Variants in LRRC7 observed in about 807,000 individuals in gnomAD.
LRRC7 encodes leucine rich repeat containing 7.
In LRRC7, 23 loss-of-function variants were observed where a neutral mutation model predicts 175.7. The observed-to-expected ratio is 0.13, with a 90% CI of 0.09 to 0.19. The LOEUF is 0.19. Ranked by LOEUF, LRRC7 falls within the 10% of genes least tolerant of loss-of-function variation. LRRC7 has a pLI of 1.00. For missense variants in LRRC7, 1,354 were observed against 1,904.7 expected (o/e 0.71, Z 5.38); for synonymous variants, 685 against 680.9 (o/e 1.01, Z -0.09).
intron 3 of LRRC7, among the ~76,000 whole-genome samples, chr1:69,781,316 G>T (rs1003067906): frequency 6.6e-6 from 1 of 151,980 alleles, no homozygotes; most frequent in Non-Finnish European, 1.5e-5. Flanking sequence ...GTGAGAGACT[G>T]TTGTCAGTTC....
At chr1:69,668,071 C>T (rs1054272936) in intron 1 of LRRC7, among the ~76,000 whole-genome samples, 2 of 152,092 alleles carry the variant, frequency 1.3e-5, no homozygotes, top group Admixed American at 6.5e-5. Flanking sequence ...TTTGCAAAAA[C>T]AAATGAGCAC....
At chr1:69,995,303 A>G (rs1466909326) in intron 11 of LRRC7, among the ~76,000 whole-genome samples, 1 of 152,312 alleles carries the variant, frequency 6.6e-6, no homozygotes, top group South Asian at 2.1e-4. Flanking sequence ...TAAAGTGAGA[A>G]ATCAGTAGAG....
At chr1:69,818,735 T>A (rs1678888728) in intron 4 of LRRC7, among the ~76,000 whole-genome samples, 1 of 152,164 alleles carries the variant, frequency 6.6e-6, no homozygotes, top group Admixed American at 6.6e-5. Context: ...GTACTGGGCT[T>A]TTCATTGTTG....
intron 25 of LRRC7, among the ~76,000 whole-genome samples, chr1:70,103,787 C>T (rs1283599127): frequency 6.6e-6 from 1 of 152,106 alleles, no homozygotes; most frequent in African/African-American, 2.4e-5. Flanking sequence ...GAGAATGCTT[C>T]ATGGTATGTA....
intron 7 of LRRC7, among the ~76,000 whole-genome samples, chr1:69,902,385 C>T (rs555298135): frequency 1.1e-3 from 172 of 152,180 alleles, no homozygotes; most frequent in Non-Finnish European, 9.1e-4. Flanking sequence ...GCCTGGGCAA[C>T]GTGGTAAAAC....
At chr1:69,675,129 G>A (rs888452983) in intron 1 of LRRC7, among the ~76,000 whole-genome samples, 1 of 152,108 alleles carries the variant, frequency 6.6e-6, no homozygotes, top group Non-Finnish European at 1.5e-5. Context: ...CAGAGCTGAG[G>A]AACATTACAT....
chr1:69,590,212 A>C (rs1271902747), intron 1 of LRRC7, among the ~76,000 whole-genome samples: 1 of 152,170 alleles, frequency 6.6e-6, no homozygotes, highest in East Asian at 1.9e-4. Context: ...ATAGGTAACA[A>C]ATTTCATTGT....
intron 7 of LRRC7, among the ~76,000 whole-genome samples, chr1:69,863,923 G>C (rs1032472151): frequency 2.6e-5 from 4 of 152,006 alleles, no homozygotes; most frequent in Non-Finnish European, 4.4e-5. Context: ...TTCATGACCT[G>C]CCTATCATCT....
chr1:69,760,982 C>CAT (rs397814451), intron 3 of LRRC7, among the ~76,000 whole-genome samples: 2 of 151,264 alleles, frequency 1.3e-5, no homozygotes, highest in South Asian at 4.2e-4. Flanking sequence ...CACACACACA[C>CAT]GTGCACACCT....
chr1:70,096,134 C>T (rs1314654910), intron 25 of LRRC7, among the ~76,000 whole-genome samples: 4 of 152,054 alleles, frequency 2.6e-5, no homozygotes, highest in East Asian at 1.9e-4. Flanking sequence ...CCCGCCACCA[C>T]GCCCAGCTAA....
chr1:70,061,749 A>T (rs950088554), intron 23 of LRRC7, among the ~76,000 whole-genome samples: 4 of 152,178 alleles, frequency 2.6e-5, no homozygotes, highest in Admixed American at 2.6e-4. Flanking sequence ...CTTCATCTCC[A>T]GTGAGACTTT....
chr1:69,784,987 T>A (rs563911314), intron 3 of LRRC7, among the ~76,000 whole-genome samples: 1 of 152,306 alleles, frequency 6.6e-6, no homozygotes, highest in African/African-American at 2.4e-5. Flanking sequence ...CATGATCAAC[T>A]GTAAATTTTT....
Position 70,107,829 on chromosome 1 carries a change from A to G in LRRC7, c.4620+3A>G, listed in dbSNP as rs1665248390. The G allele has an allele frequency of 6.2e-7, 1 of 1,609,350 alleles. No individual in the cohort carries two copies. Among genetic ancestry groups the G allele is most frequent in the Non-Finnish European group, 8.5e-7 (1 of 1,176,512 alleles). ...AGCCTGGTGATAAGATCCTTCAGGT[A>G]AGACAGATAAAAGAAATGCATGCAA... On this transcript the variant is annotated splice_donor_region_variant and intron_variant, in intron 26 of 26. Transcript: ENST00000651989.
chr1:70,087,894 A>G (rs1016569204), intron 24 of LRRC7, among the ~76,000 whole-genome samples: 1 of 152,172 alleles, frequency 6.6e-6, no homozygotes, highest in Admixed American at 6.5e-5. Context: ...TATTAAACAG[A>G]CAAACCTAAT....
At chr1:69,746,412 C>T (rs1168136421) in intron 2 of LRRC7, among the ~76,000 whole-genome samples, 2 of 151,846 alleles carry the variant, frequency 1.3e-5, no homozygotes, top group African/African-American at 4.8e-5. Flanking sequence ...GAGTGGGCAC[C>T]TTATTGGTTT....
chr1:69,597,156 A>G (rs771388861), intron 1 of LRRC7, among the ~76,000 whole-genome samples: 5 of 152,206 alleles, frequency 3.3e-5, no homozygotes, highest in Admixed American at 6.5e-5. Flanking sequence ...TAAGTGTCTT[A>G]TGACATTTAC....
chr1:69,675,107 G>A (rs1208045127), intron 1 of LRRC7, among the ~76,000 whole-genome samples: 1 of 152,088 alleles, frequency 6.6e-6, no homozygotes. Context: ...TTAAGCCCAG[G>A]CATTCTGATT....
In LRRC7 at chr1:69,575,392, G is replaced by A. The variant is rs186107159; in HGVS notation, c.2+6751G>A. Among the ~76,000 whole-genome samples, 138 of 152,160 alleles carry A rather than the reference G, an allele frequency of 9.1e-4. 2 individuals carry two copies. Among genetic ancestry groups the A allele is most frequent in the Admixed American group, 9.0e-3 (137 of 15,264 alleles). On this transcript the variant is annotated intron_variant, in intron 1 of 26. Transcript: ENST00000651989. ...GCATTTCTTTTTCATTGAATTTTTG[G>A]CCTGAATTTCAATCTGAGTTTAATT...
chr1:69,891,550 G>T (rs2101644534), intron 7 of LRRC7, among the ~76,000 whole-genome samples: 1 of 152,210 alleles, frequency 6.6e-6, no homozygotes, highest in African/African-American at 2.4e-5. Context: ...TAGCCAACAT[G>T]GTGAAACCCC....
Sources: gnomAD v4.1 joint callset for allele counts (sites outside exome capture counted in the v4.1 genomes callset) on GRCh38, gnomAD v4.1.1 for gene constraint, MANE v1.5 for transcripts, NCBI Gene and HGNC (gene_info 2026-07-23, HGNC 2026-07-21) for gene names.